The following PTPRN2 variants were observed in gnomAD, a reference collection of about 807,000 sequenced individuals.
PTPRN2 encodes protein tyrosine phosphatase receptor type N2, also known as receptor-type tyrosine-protein phosphatase N2.
In PTPRN2, 74 loss-of-function variants were observed where a neutral mutation model predicts 118.8. The ratio of observed to expected loss-of-function variants is 0.62; its 90% CI spans 0.52 to 0.76. PTPRN2 has a LOEUF of 0.76. Ranked by LOEUF, PTPRN2 falls within the 30% of genes least tolerant of loss-of-function variation. PTPRN2 has a pLI of 0.00. For synonymous variants in PTPRN2, 641 were observed against 608.0 expected, an observed-to-expected ratio of 1.05 and a Z score of -0.80; for missense variants, 1,481 against 1,394.4, an observed-to-expected ratio of 1.06 and a Z score of -0.99.
Position 157,831,392 on chromosome 7 carries a change from C to T in PTPRN2, c.1788+67281G>A, listed in dbSNP as rs911101304. 3.3e-5 allele frequency among the ~76,000 whole-genome samples: 5 copies of T among 152,184 alleles called. No homozygotes were observed. Among genetic ancestry groups the T allele is most frequent in the African/African-American group, 9.7e-5 (4 of 41,436 alleles). On this transcript the variant is annotated intron_variant, in intron 12 of 22. Transcript: ENST00000389418. The surrounding 1 kb of genome is among the most constrained non-coding windows in gnomAD (Gnocchi z 4.8). ...GTTGGGGTTTTCTGTTATTTCTTCC[C>T]GAAGCATCTTAACTGATGCGGGTTC...
chr7:157,762,013 T>C (rs1802161323), intron 12 of PTPRN2, among the ~76,000 whole-genome samples: 1 of 152,132 alleles, frequency 6.6e-6, no homozygotes, highest in Non-Finnish European at 1.5e-5. Flanking sequence ...TCACTGGCCA[T>C]CAGAGAAATG....
At position 158,134,034 on chromosome 7, in the gene PTPRN2, C is replaced by G; in HGVS notation, c.1199G>C (p.Gly400Ala). The G allele has an allele frequency of 7.4e-6, 12 of 1,613,666 alleles. No individual in the cohort carries two copies. The highest frequency in any genetic ancestry group is 9.3e-6 in the Non-Finnish European group (11 of 1,179,872). The change falls in exon 9 of 23, where the codon GGG becomes GCG. Residue 400 changes from glycine to alanine, a missense_variant. This residue lies in a region of PTPRN2 where 1,115 missense variants were observed against 994.2 expected (regional missense o/e 1.12). Transcript: ENST00000389418. ...QEVHRLSATL[G>A]GLLQDHGSRL... is the part of the protein sequence containing the mutation. ...AGACCCGTGGTCCTGCAGGAGGCCC[C>G]CGAGTGTGGCACTCAGACGATGGAC...
chr7:158,474,324 C>G (rs1232700255), intron 2 of PTPRN2, among the ~76,000 whole-genome samples: 2 of 152,228 alleles, frequency 1.3e-5, no homozygotes, highest in African/African-American at 4.8e-5. Flanking sequence ...AACTGGCACC[C>G]CGAGTCAACT....
intron 2 of PTPRN2, among the ~76,000 whole-genome samples, chr7:158,383,123 T>A (rs1315320509): frequency 6.6e-6 from 1 of 152,132 alleles, no homozygotes; most frequent in East Asian, 1.9e-4. Context: ...TATTAACACA[T>A]GAGGGGCCCT....
In PTPRN2 at chr7:158,093,259, C is replaced by T. The variant is rs1452781598; in HGVS notation, c.1644-11882G>A. Among the ~76,000 whole-genome samples, 1 of 115,568 alleles carries T rather than the reference C, an allele frequency of 8.7e-6. No individual in the cohort carries two copies. The highest frequency in any genetic ancestry group is 1.8e-5 in the Non-Finnish European group (1 of 56,570). The allele number at this position is 115,568 out of a possible 152,430, so 75.8% of individuals were successfully genotyped here. A position where few individuals can be genotyped will look rare whatever the true frequency, so the allele number is the denominator to read the frequency against. ...TGTAGACCCACACGCAGGCCTGCAC[C>T]GTCCTTTCCTGACTCTGCCGCTGGA... On this transcript the variant is annotated intron_variant, in intron 10 of 22. Transcript: ENST00000389418. This position sits in a 1 kb window ranked among gnomAD's most constrained non-coding sequence, Gnocchi z 4.4.
At chr7:157,679,903 G>A (rs547490922) in intron 13 of PTPRN2, among the ~76,000 whole-genome samples, 4 of 151,846 alleles carry the variant, frequency 2.6e-5, no homozygotes, top group South Asian at 2.1e-4. Flanking sequence ...CAGGGAGGAC[G>A]CAGCTCTACA....
chr7:158,256,657 G>A (rs935811773), intron 3 of PTPRN2, among the ~76,000 whole-genome samples: 4 of 152,048 alleles, frequency 2.6e-5, no homozygotes, highest in South Asian at 2.1e-4. Flanking sequence ...GCAGCTGGGC[G>A]CCCAGCAGAA....
intron 21 of PTPRN2, among the ~76,000 whole-genome samples, chr7:157,551,331 TACC>T (rs1223995482): frequency 3.3e-5 from 5 of 151,950 alleles, no homozygotes; most frequent in Non-Finnish European, 7.4e-5. Context: ...ATGTGAAAAA[TACC>T]ACAACTGTAG....
At chr7:158,363,070 C>T (rs190572479) in intron 2 of PTPRN2, among the ~76,000 whole-genome samples, 223 of 152,156 alleles carry the variant, frequency 1.5e-3, no homozygotes, top group Admixed American at 4.6e-3. Context: ...CGTCATGAGC[C>T]GAGGGGGACA....
intron 2 of PTPRN2, among the ~76,000 whole-genome samples, chr7:158,425,172 G>A (rs1321662532): frequency 2.6e-5 from 4 of 152,116 alleles, no homozygotes; most frequent in Non-Finnish European, 5.9e-5. Context: ...CAGAGTACGA[G>A]ACCAGTCTAG....
chr7:157,940,067 G>A (rs1427421680), intron 11 of PTPRN2, among the ~76,000 whole-genome samples: 1 of 152,182 alleles, frequency 6.6e-6, no homozygotes, highest in Non-Finnish European at 1.5e-5. Flanking sequence ...AGAGCAGAGA[G>A]GCCCCCGTTG....
chr7:158,334,368 C>G (rs1450838605), intron 2 of PTPRN2, among the ~76,000 whole-genome samples: 2 of 54,810 alleles, frequency 3.6e-5, no homozygotes, highest in African/African-American at 7.6e-5. Flanking sequence ...AGAGCTGACG[C>G]CCGCAGATGT....
At position 157,544,535 on chromosome 7, in the gene PTPRN2, C is replaced by T. The variant is rs112918757; in HGVS notation, c.2977-3750G>A. Among the ~76,000 whole-genome samples the T allele has an allele frequency of 1.1e-3, 168 of 152,156 alleles. 1 individual carries two copies. The highest frequency in any genetic ancestry group is 3.9e-3 in the African/African-American group (160 of 41,514). On this transcript the variant is annotated intron_variant, in intron 22 of 22. Transcript: ENST00000389418. ...GCACGTGGACATGCGAGGGGCCTCC[C>T]GTCCAGTGAGGAGGGGGCGGGGCCT...
intron 2 of PTPRN2, among the ~76,000 whole-genome samples, chr7:158,472,309 T>A (rs1164070360): frequency 1.3e-5 from 2 of 152,228 alleles, no homozygotes; most frequent in Non-Finnish European, 2.9e-5. Flanking sequence ...CCGATCAGTG[T>A]GGTTCCAGAT....
intron 3 of PTPRN2, among the ~76,000 whole-genome samples, chr7:158,270,941 A>C (rs931042754): frequency 3.0e-3 from 5 of 1,658 alleles, no homozygotes; most frequent in Non-Finnish European, 4.9e-3. Context: ...CACCTGGACC[A>C]CCCCCCCACC....
chr7:158,071,680 TCC>T (rs1193999538), intron 11 of PTPRN2, among the ~76,000 whole-genome samples: 21 of 136,366 alleles, frequency 1.5e-4, no homozygotes, highest in East Asian at 1.1e-3. Flanking sequence ...GTGGAGGTGC[TCC>T]TGGTGGAGGT....
chr7:158,313,234 C>A (rs567696434), intron 3 of PTPRN2, among the ~76,000 whole-genome samples: 237 of 152,290 alleles, frequency 1.6e-3, no homozygotes, highest in Non-Finnish European at 2.8e-3. Context: ...ATGGCCCTGG[C>A]AACCAAAGAG....
chr7:158,011,412 C>A (rs1865460), intron 11 of PTPRN2, among the ~76,000 whole-genome samples: 127,624 of 151,784 alleles, frequency 0.84, 53,737 homozygotes, highest in East Asian at 0.88. Context: ...ACAAAAGATG[C>A]ACAGGTGTTT....
chr7:158,291,558 T>TG (rs1475719210), intron 3 of PTPRN2, among the ~76,000 whole-genome samples: 1 of 152,226 alleles, frequency 6.6e-6, no homozygotes, highest in Non-Finnish European at 1.5e-5. Flanking sequence ...TAAGATTCAC[T>TG]GGGTAAAGTA....
Sources: gnomAD v4.1 joint callset for allele counts (sites outside exome capture counted in the v4.1 genomes callset) on GRCh38, gnomAD v4.1.1 for gene constraint, gnomAD v4.1.1 regional missense constraint, Gnocchi (gnomAD v3.1) non-coding constraint, MANE v1.5 for transcripts, NCBI Gene and HGNC (gene_info 2026-07-23, HGNC 2026-07-21) for gene names.